The following XPR1 variants were observed in gnomAD, a reference collection of about 807,000 sequenced individuals.
The protein encoded by XPR1 is solute carrier family 53 member 1.
XPR1 carries 28 observed loss-of-function variants against 87.5 expected under a neutral mutation model. The observed-to-expected ratio is 0.32, with a 90% CI of 0.24 to 0.44. The LOEUF (loss-of-function observed/expected upper bound fraction) is 0.44, where lower values mean the gene tolerates loss of function less well. Ranked by LOEUF, XPR1 falls within the 20% of genes least tolerant of loss-of-function variation. The probability of loss-of-function intolerance (pLI) is 1.00; values close to 1 mark genes in which losing one functional copy is unlikely to be tolerated. For synonymous variants in XPR1, 300 were observed against 306.1 expected (o/e 0.98, Z 0.21); for missense variants, 559 against 862.3 (o/e 0.65, Z 4.41).
intron 1 of XPR1, among the ~76,000 whole-genome samples, chr1:180,667,041 G>A (rs919005560): frequency 4.6e-5 from 7 of 151,898 alleles, no homozygotes; most frequent in African/African-American, 1.2e-4. Flanking sequence ...TCAGGCTCCC[G>A]AGTTGCTGGA....
At chr1:180,747,631 T>G (rs1359904213) in intron 2 of XPR1, among the ~76,000 whole-genome samples, 1 of 152,228 alleles carries the variant, frequency 6.6e-6, no homozygotes, top group African/African-American at 2.4e-5. Context: ...CTTTTTACTA[T>G]TTAAATATTA....
At chr1:180,663,524 G>C (rs1486660794) in intron 1 of XPR1, among the ~76,000 whole-genome samples, 1 of 152,160 alleles carries the variant, frequency 6.6e-6, no homozygotes, top group African/African-American at 2.4e-5. Flanking sequence ...GAGGTGCCTG[G>C]AGCTTGGTGA....
chr1:180,654,658 C>T (rs1192655435), intron 1 of XPR1, among the ~76,000 whole-genome samples: 1 of 152,140 alleles, frequency 6.6e-6, no homozygotes, highest in African/African-American at 2.4e-5. Context: ...TAAGTAGAAT[C>T]ATACAGTATT....
In XPR1 at chr1:180,857,338, T is replaced by C. The variant is rs778419977; in HGVS notation, c.1502-6370T>C. On this transcript the variant is annotated intron_variant, in intron 11 of 14. Transcript: ENST00000367590. The stretch of plus-strand genomic sequence containing the variant: ...TGTGTGAAATCATCATCTTTACTTA[T>C]ATATCTGATCATTGTCTACCCCTAC... Among the ~76,000 whole-genome samples the C allele has an allele frequency of 3.9e-5, 6 of 152,340 alleles. 1 individual carries two copies. The highest frequency in any genetic ancestry group is 1.5e-5 in the Non-Finnish European group (1 of 68,026).
chr1:180,741,121 TTAAATG>T (rs1658907314), intron 2 of XPR1, among the ~76,000 whole-genome samples: 1 of 67,560 alleles, frequency 1.5e-5, no homozygotes, highest in Admixed American at 1.3e-4. Context: ...TATCACTTTG[TTAAATG>T]TTGGTTGATC....
intron 1 of XPR1, among the ~76,000 whole-genome samples, chr1:180,680,268 AAAG>A (rs1571715704): frequency 6.6e-6 from 1 of 152,118 alleles, no homozygotes; most frequent in African/African-American, 2.4e-5. Context: ...TGCAGAGAAA[AAAG>A]AAGTCTTATA....
intron 2 of XPR1, among the ~76,000 whole-genome samples, chr1:180,690,455 C>T (rs955517318): frequency 1.3e-5 from 2 of 152,000 alleles, no homozygotes; most frequent in African/African-American, 4.8e-5. Context: ...TCTTATAATC[C>T]AAGGATGTAA....
intron 2 of XPR1, among the ~76,000 whole-genome samples, chr1:180,744,101 C>G (rs1035535135): frequency 2.6e-5 from 4 of 152,142 alleles, no homozygotes; most frequent in African/African-American, 9.7e-5. Context: ...ACTTGGTTGA[C>G]ATGAATGTTA....
chr1:180,640,515 A>G (rs990309667), intron 1 of XPR1, among the ~76,000 whole-genome samples: 1 of 152,242 alleles, frequency 6.6e-6, no homozygotes, highest in Admixed American at 6.5e-5. Context: ...GAATAAATCC[A>G]TCCACTTAAA....
chr1:180,855,566 G>A (rs1651999532), intron 11 of XPR1, among the ~76,000 whole-genome samples: 1 of 151,408 alleles, frequency 6.6e-6, no homozygotes. Context: ...TTGGGAGGCT[G>A]AGGCAGAAGA....
chr1:180,632,278 C>T lies in XPR1; in HGVS notation c.69+8C>T. On this transcript the variant is annotated splice_region_variant and intron_variant, in intron 1 of 14. Coordinates refer to ENST00000367590, the MANE Select transcript of XPR1 (RefSeq NM_004736.4). ...CAATACATCCAGTATGAGGTACCGG[C>T]ACGGCTGGGGTGTGGGAGGACTCGG... 3 of 1,610,706 alleles carry T rather than the reference C, an allele frequency of 1.9e-6. No individual in the cohort carries two copies. Among genetic ancestry groups the T allele is most frequent in the Non-Finnish European group, 2.5e-6 (3 of 1,178,320 alleles).
intron 2 of XPR1, among the ~76,000 whole-genome samples, chr1:180,736,358 T>C (rs569631174): frequency 5.2e-4 from 79 of 152,312 alleles, no homozygotes; most frequent in African/African-American, 1.9e-3. Context: ...ACTAAAGGAC[T>C]CTTTTAAGGG....
intron 3 of XPR1, among the ~76,000 whole-genome samples, chr1:180,790,230 C>T (rs996007972): frequency 4.6e-5 from 7 of 152,038 alleles, no homozygotes; most frequent in East Asian, 1.9e-4. Flanking sequence ...GAGATCTTTA[C>T]GACTACTGAC....
intron 14 of XPR1, among the ~76,000 whole-genome samples, chr1:180,883,686 C>T (rs1043644924): frequency 1.4e-5 from 2 of 138,794 alleles, no homozygotes; most frequent in Admixed American, 7.7e-5. Flanking sequence ...TCCAGCCTGG[C>T]GACAGAGCGA....
intron 11 of XPR1, among the ~76,000 whole-genome samples, chr1:180,839,952 G>T (rs894291678): frequency 1.3e-5 from 2 of 151,464 alleles, no homozygotes; most frequent in African/African-American, 4.9e-5. Context: ...GGCCGGGCGC[G>T]GTGGCTCACG....
intron 11 of XPR1, among the ~76,000 whole-genome samples, chr1:180,838,249 T>G (rs1031631734): frequency 2.0e-5 from 3 of 152,200 alleles, no homozygotes; most frequent in African/African-American, 7.2e-5. Context: ...TTCCTGTTCA[T>G]TAAGTGGAAG....
intron 7 of XPR1, among the ~76,000 whole-genome samples, chr1:180,812,494 C>T (rs1650254256): frequency 6.6e-6 from 1 of 152,152 alleles, no homozygotes; most frequent in Non-Finnish European, 1.5e-5. Context: ...CACCTTTCAT[C>T]CATTTCTCAG....
chr1:180,737,816 C>A (rs950602404), intron 2 of XPR1, among the ~76,000 whole-genome samples: 3 of 152,018 alleles, frequency 2.0e-5, no homozygotes, highest in Non-Finnish European at 4.4e-5. Context: ...AGTAGCATTC[C>A]GTTGCATAAT....
chr1:180,708,398 T>C (rs1353721620), intron 2 of XPR1, among the ~76,000 whole-genome samples: 1 of 152,210 alleles, frequency 6.6e-6, no homozygotes, highest in Admixed American at 6.5e-5. Flanking sequence ...GTGATGATGG[T>C]TGCACAACAT....
Sources: allele counts gnomAD v4.1 joint callset (sites outside exome capture counted in the v4.1 genomes callset), GRCh38; gene constraint gnomAD v4.1.1; transcripts MANE v1.5; gene names NCBI Gene and HGNC (gene_info 2026-07-23, HGNC 2026-07-21).